The following CCDC149 variants were observed in gnomAD, a reference collection of about 807,000 sequenced individuals.
CCDC149 encodes coiled-coil domain-containing protein 149.
A neutral mutation model predicts 59.9 loss-of-function variants in CCDC149; 45 were observed. The ratio of observed to expected loss-of-function variants is 0.75; its 90% confidence interval spans 0.59 to 0.96. The LOEUF (loss-of-function observed/expected upper bound fraction) is 0.96. CCDC149 is among the 40% of genes least tolerant of loss of function. The probability of loss-of-function intolerance (pLI) is 0.00; values close to 1 mark genes in which losing one functional copy is unlikely to be tolerated. For missense variants in CCDC149, 584 were observed against 664.7 expected (o/e 0.88, Z 1.33); for synonymous variants, 245 against 260.6 (o/e 0.94, Z 0.58).
chr4:24,961,575 G>A (rs1723636773), intron 1 of CCDC149, among the ~76,000 whole-genome samples: 1 of 152,186 alleles, frequency 6.6e-6, no homozygotes, highest in South Asian at 2.1e-4. Context: ...CAAGGCTACA[G>A]TAACCAAAAC....
chr4:24,909,216 G>A (rs995850403), intron 1 of CCDC149, among the ~76,000 whole-genome samples: 6 of 152,226 alleles, frequency 3.9e-5, no homozygotes, highest in Middle Eastern at 3.4e-3. Context: ...GAGAGGACGG[G>A]GCTCTGGGCA....
At chr4:24,805,164 G>A (rs907472418), downstream of CCDC149, among the ~76,000 whole-genome samples, 1 of 152,196 alleles carries the variant, frequency 6.6e-6, no homozygotes, top group Admixed American at 6.5e-5. Flanking sequence ...GCGATCACAG[G>A]AGAGGCAGAG....
At chr4:24,959,067 G>C (rs952336411) in intron 1 of CCDC149, among the ~76,000 whole-genome samples, 3 of 152,018 alleles carry the variant, frequency 2.0e-5, no homozygotes, top group East Asian at 3.9e-4. Context: ...TCCGCCTCCC[G>C]GGTTCAAGCA....
chr4:24,829,605 T>C (rs554691658), intron 9 of CCDC149: 1 of 152,158 alleles, frequency 6.6e-6, no homozygotes, highest in Non-Finnish European at 1.5e-5. Context: ...TTGGGGATAC[T>C]GGTGACCTGC....
At chr4:24,866,808 TAC>T (rs1166522097) in intron 3 of CCDC149, among the ~76,000 whole-genome samples, 1 of 79,652 alleles carries the variant, frequency 1.3e-5, no homozygotes, top group Non-Finnish European at 2.4e-5. Context: ...AAAAAAAATA[TAC>T]ACACACACAC....
At chr4:24,898,396 G>C (rs1720969078) in intron 1 of CCDC149, among the ~76,000 whole-genome samples, 2 of 152,126 alleles carry the variant, frequency 1.3e-5, no homozygotes, top group African/African-American at 4.8e-5. Context: ...GGAGCTTGGT[G>C]ACTTACAAAA....
chr4:24,950,340 T>G (rs1295310288), intron 1 of CCDC149, among the ~76,000 whole-genome samples: 1 of 152,226 alleles, frequency 6.6e-6, no homozygotes, highest in African/African-American at 2.4e-5. Context: ...CATAGGTGGG[T>G]TGTGAAAATG....
chr4:24,964,192 T>TAAA (rs377278394), intron 1 of CCDC149, among the ~76,000 whole-genome samples: 2 of 119,208 alleles, frequency 1.7e-5, no homozygotes, highest in Non-Finnish European at 3.3e-5. Context: ...AGACCCTATC[T>TAAA]AAAAAAAAAA....
chr4:24,813,499 T>TATATATATATATAC (rs1455764278), intron 12 of CCDC149, among the ~76,000 whole-genome samples: 54 of 18,300 alleles, frequency 3.0e-3, no homozygotes, highest in African/African-American at 6.2e-3. Context: ...AATATATATA[T>TATATATATATATAC]ATATATATAT....
chr4:24,876,209 C>G (rs749515698), intron 2 of CCDC149, among the ~76,000 whole-genome samples: 1 of 151,868 alleles, frequency 6.6e-6, no homozygotes, highest in Non-Finnish European at 1.5e-5. Flanking sequence ...AAACTTGTCT[C>G]CCTTGGATAA....
upstream of CCDC149, among the ~76,000 whole-genome samples, chr4:24,913,914 G>C (rs1303534597): frequency 2.0e-5 from 3 of 152,240 alleles, no homozygotes; most frequent in Non-Finnish European, 4.4e-5. Flanking sequence ...TCAAGGTGCT[G>C]TTCCTGTGAC....
chr4:24,873,115 CCCACTGAATGGTATGCAT>C (rs1719152915), intron 3 of CCDC149, among the ~76,000 whole-genome samples: 2 of 151,700 alleles, frequency 1.3e-5, no homozygotes, highest in African/African-American at 4.8e-5. Flanking sequence ...ATGGTATGCA[CCCACTGAATGGTATGCAT>C]CCACAGAATG....
At chr4:24,843,806 A>G (rs1010067429) in intron 4 of CCDC149, among the ~76,000 whole-genome samples, 1 of 152,110 alleles carries the variant, frequency 6.6e-6, no homozygotes, top group Non-Finnish European at 1.5e-5. Flanking sequence ...CAGCACTGAG[A>G]TCCGCATAGA....
At chr4:24,818,607 G>T (rs944961025) in intron 12 of CCDC149, among the ~76,000 whole-genome samples, 3 of 152,198 alleles carry the variant, frequency 2.0e-5, no homozygotes, top group Admixed American at 1.3e-4. Flanking sequence ...GGCATCTGAA[G>T]GCTTGACTAG....
At chr4:24,906,953 G>A (rs542148667) in intron 1 of CCDC149, among the ~76,000 whole-genome samples, 1 of 152,216 alleles carries the variant, frequency 6.6e-6, no homozygotes, top group Admixed American at 6.5e-5. Context: ...GCCCACCCCA[G>A]CACCCCAGCC....
chr4:24,829,666 A>G (rs1716005737), intron 9 of CCDC149: 1 of 152,194 alleles, frequency 6.6e-6, no homozygotes, highest in East Asian at 1.9e-4. Context: ...GAGGCATTAA[A>G]GCCAAGGTTA....
At chr4:24,884,936 G>A (rs1182018847) in intron 1 of CCDC149, among the ~76,000 whole-genome samples, 1 of 152,126 alleles carries the variant, frequency 6.6e-6, no homozygotes, top group Non-Finnish European at 1.5e-5. Flanking sequence ...AGGGGTAGAG[G>A]GATACATCTT....
rs1423406612 is a variant in CCDC149 at position 24,834,987 on chromosome 4, T to C, written c.781A>G (p.Ser261Gly). ...AGGACTCCTGTCAGAGCACTGCTGCTGGATTTACCCTGGCCCTTCGAGTTT... is the reference window on the plus strand; with the variant it reads ...AGGACTCCTGTCAGAGCACTGCTGCCGGATTTACCCTGGCCCTTCGAGTTT... Residue 261 changes from serine to glycine, a missense_variant, in exon 8 of 13, where the codon AGC (serine) becomes GGC (glycine). Transcript: ENST00000635206. 8.1e-6 allele frequency: 13 copies of C among 1,613,966 alleles called. No homozygotes were observed. The highest frequency in any genetic ancestry group is 3.3e-4 in the Middle Eastern group (2 of 6,068).
chr4:24,843,673 G>A (rs562171598), intron 4 of CCDC149, among the ~76,000 whole-genome samples: 4 of 152,138 alleles, frequency 2.6e-5, no homozygotes, highest in South Asian at 2.1e-4. Context: ...AGATCAACAC[G>A]CACACACTCA....
Sources: gnomAD v4.1 joint callset for allele counts (sites outside exome capture counted in the v4.1 genomes callset) on GRCh38, gnomAD v4.1.1 for gene constraint, MANE v1.5 for transcripts, NCBI Gene and HGNC (gene_info 2026-07-23, HGNC 2026-07-21) for gene names.